PIK3IP1: variants seen among roughly 807,000 people sequenced by gnomAD.
PIK3IP1 encodes the protein phosphoinositide-3-kinase interacting protein 1.
Under a neutral mutation model 30.7 loss-of-function variants are expected in PIK3IP1, and 28 were observed. The observed-to-expected ratio is 0.91, with a 90% CI of 0.68 to 1.25. The LOEUF is 1.25. Among genes scored for constraint, PIK3IP1 ranks in the 50% most tolerant of loss-of-function variants. The pLI, the probability that PIK3IP1 is intolerant of heterozygous loss-of-function variation, is 0.00. For synonymous variants in PIK3IP1, 159 were observed against 140.8 expected (o/e 1.13, Z -0.91); for missense variants, 333 against 346.2 (o/e 0.96, Z 0.30).
chr22:31,289,829 G>A, intron 3 of PIK3IP1, 130 bp from the exon 4 acceptor site: 1 of 938,832 alleles, frequency 1.1e-6, no homozygotes, highest in Non-Finnish European at 1.6e-6. Context: ...ACAACCCAAA[G>A]TCAAATTCTG....
chr22:31,284,254 G>T (rs1034587), intron 5 of PIK3IP1, among the ~76,000 whole-genome samples: 50,141 of 152,134 alleles, frequency 0.33, 10,244 homozygotes, highest in African/African-American at 0.57. Context: ...TTTAACTTCC[G>T]CGCCTTGCTT....
rs2049175414 is a variant in PIK3IP1 at position 31,291,197 on chromosome 22, G to A, written c.170C>T (p.Ala57Val). The A allele has an allele frequency of 3.2e-6, 5 of 1,548,644 alleles. No homozygotes were observed. Among genetic ancestry groups the A allele is most frequent in the Non-Finnish European group, 4.4e-6 (5 of 1,146,182 alleles). The change falls in exon 2 of 6, where the codon GCC becomes GTC. Residue 57 changes from alanine (A) to valine (V), a missense_variant. Physicochemically the swap from Ala to Val is moderately conservative, Grantham distance 64. Coordinates refer to ENST00000215912, the MANE Select transcript of PIK3IP1 (RefSeq NM_052880.5). ...ACACTTACCCGACACGGGGGCCGAG[G>A]CCAGCCCGCTCTGCGCGTCCAGCCA... is the stretch of plus-strand genomic sequence containing the variant. ...LNWLDAQSGLASAPVSGAGNH... is the reference protein window; with the variant it reads ...LNWLDAQSGLVSAPVSGAGNH...
chr22:31,284,092 T>G (rs1046682945), intron 5 of PIK3IP1, among the ~76,000 whole-genome samples: 58 of 152,142 alleles, frequency 3.8e-4, no homozygotes, highest in African/African-American at 1.3e-3. Flanking sequence ...TTAGTAGAGA[T>G]GGGGTTTCTC....
intron 5 of PIK3IP1, among the ~76,000 whole-genome samples, chr22:31,287,312 C>CCCAGCCACACAT (rs2049139101): frequency 6.7e-6 from 1 of 149,172 alleles, no homozygotes. Context: ...AGCCACTACG[C>CCCAGCCACACAT]CTGGTCCATT....
intron 3 of PIK3IP1, chr22:31,290,008 CCCCCCACTTCTACTTCAGGAAACAA>C (rs2049161727): frequency 6.5e-6 from 2 of 307,990 alleles, no homozygotes; most frequent in Non-Finnish European, 1.2e-5. Flanking sequence ...GCAGGGGATT[CCCCCCACTTCTACTTCAGGAAACAA>C]CCCATGCTTC....
chr22:31,286,279 A>G (rs1235005286), intron 5 of PIK3IP1, among the ~76,000 whole-genome samples: 1 of 152,212 alleles, frequency 6.6e-6, no homozygotes, highest in Non-Finnish European at 1.5e-5. Flanking sequence ...TTCTGTTTAC[A>G]TTTAATACTT....
chr22:31,291,898 C>T (rs536822439), intron 1 of PIK3IP1, among the ~76,000 whole-genome samples: 3 of 152,354 alleles, frequency 2.0e-5, no homozygotes, highest in East Asian at 3.9e-4. Flanking sequence ...CCGGCCTCAT[C>T]GCTGACTGGA....
At chr22:31,287,907 G>A (rs1045122012) in intron 5 of PIK3IP1, among the ~76,000 whole-genome samples, 5 of 152,244 alleles carry the variant, frequency 3.3e-5, no homozygotes, top group African/African-American at 1.2e-4. Context: ...GTGATTATGA[G>A]TTAAAGCATG....
rs1474521164 is a variant in PIK3IP1 at position 31,291,305 on chromosome 22, A to G, written c.71-9T>C. On this transcript the variant is annotated splice_polypyrimidine_tract_variant and intron_variant, in intron 1 of 5. Transcript: ENST00000215912. ...GTTGTCCCAGAAACAGCCTGTGAGG[A>G]AAAGAAGCCCCCGGACACAGAATAG... 3.2e-6 allele frequency: 5 copies of G among 1,555,608 alleles called. No homozygotes were observed. The Admixed American group carries it at 9.7e-5, about 30-fold the overall frequency.
In PIK3IP1 at chr22:31,283,238, A is replaced by G. The variant is rs1029501973; in HGVS notation, c.638T>C (p.Met213Thr). 1 of 1,614,206 alleles carries G rather than the reference A, an allele frequency of 6.2e-7. No individual in the cohort carries two copies. Among genetic ancestry groups the G allele is most frequent in the South Asian group, 1.1e-5 (1 of 91,090 alleles). ...AGACAAGGGCAGAGTGATTCGCTGC[A>G]TCTCCCTCTCACATACTTTCTGATC... ...QHDQKVCERE[M>T]QRITLPLSAF... Residue 213 changes from methionine (M) to threonine (T), a missense_variant, in exon 6 of 6, where the codon ATG becomes ACG. By Grantham distance (81) the Met-to-Thr change is moderately conservative. Transcript: ENST00000215912.
At position 31,289,342 on chromosome 22, in the gene PIK3IP1, C is replaced by T. The variant is rs1569011856; in HGVS notation, c.560G>A (p.Gly187Asp). The T allele has an allele frequency of 1.2e-6, 2 of 1,613,774 alleles. No individual in the cohort carries two copies. Among genetic ancestry groups the T allele is most frequent in the African/African-American group, 1.3e-5 (1 of 74,892 alleles). Residue 187 changes from glycine (G) to aspartate (D), a missense_variant, in exon 5 of 6, where the codon GGC (glycine) becomes GAC (aspartate). By Grantham distance (94) the Gly-to-Asp change is moderately conservative. Around this residue, in one of 3 missense-constraint regions of PIK3IP1, gnomAD observed 217 missense variants for 227.7 expected, o/e 0.95. Transcript: ENST00000215912. ...CTTGTAGGAGTAGCCCAAGATGATGCCAGCTCCGATGGCAATGATGATCAC... is the reference window on the plus strand; with the variant it reads ...CTTGTAGGAGTAGCCCAAGATGATGTCAGCTCCGATGGCAATGATGATCAC... The part of the protein sequence containing the change: ...MMVIIIAIGA[G>D]IILGYSYKRG...
chr22:31,289,679 G>T lies in PIK3IP1; in HGVS notation c.328C>A (p.Pro110Thr). 1 of 1,552,716 alleles carries T rather than the reference G, an allele frequency of 6.4e-7. No homozygotes were observed. The highest frequency in any genetic ancestry group is 2.0e-5 in the Admixed American group (1 of 51,016). The change falls in exon 4 of 6, where the codon CCA (proline) becomes ACA (threonine). Residue 110 changes from proline (P) to threonine (T), a missense_variant. Coordinates refer to ENST00000215912, the MANE Select transcript of PIK3IP1 (RefSeq NM_052880.5). ...TCCTGGATTTCTGTCGTGAAGGCTG[G>T]CAGGGCCTGGGAGGTGGTCTCTGGA... The part of the protein sequence containing the change: ...RCPETTSQAL[P>T]AFTTEIQEAS...
At chr22:31,288,240 G>T (rs1218838720) in intron 5 of PIK3IP1, among the ~76,000 whole-genome samples, 3 of 152,100 alleles carry the variant, frequency 2.0e-5, no homozygotes, top group Non-Finnish European at 4.4e-5. Flanking sequence ...AGCCAGGCAT[G>T]GTGGGACATG....
rs921460424 is a variant in PIK3IP1, at chr22:31,281,639, C to T, written c.*1445G>A. The T allele has an allele frequency of 6.6e-6, 1 of 152,380 alleles. No homozygotes were observed. Among genetic ancestry groups the T allele is most frequent in the Admixed American group, 6.6e-5 (1 of 15,264 alleles). The allele number at this position is 152,380 out of a possible 1,614,324, so 9.4% of individuals were successfully genotyped here. ...ATTAAGTCAAATGCAGAGCAATTTC[C>T]CACACTATATGCAGGTGTCAGAATG... is the stretch of plus-strand genomic sequence containing the variant. On this transcript the variant is annotated 3_prime_UTR_variant, in exon 6 of 6. Coordinates refer to ENST00000215912, the MANE Select transcript of PIK3IP1 (RefSeq NM_052880.5).
chr22:31,288,364 G>A (rs1362647412), intron 5 of PIK3IP1, among the ~76,000 whole-genome samples: 1 of 98,322 alleles, frequency 1.0e-5, no homozygotes, highest in Non-Finnish European at 1.9e-5. Context: ...AGGCAATAGA[G>A]CGAGACCCTG....
chr22:31,290,718 C>T, intron 3 of PIK3IP1: 1 of 508,628 alleles, frequency 2.0e-6, no homozygotes, highest in East Asian at 3.7e-5. Flanking sequence ...GGCGGAGAGA[C>T]CTAGCCTCAC....
chr22:31,289,056 T>C (rs1683050968), intron 5 of PIK3IP1: 2 of 578,188 alleles, frequency 3.5e-6, no homozygotes, highest in Admixed American at 3.2e-5. Flanking sequence ...CTATGTGACT[T>C]TGAGCAAGTC....
At position 31,283,089 on chromosome 22, in the gene PIK3IP1, C is replaced by G; in HGVS notation, c.787G>C (p.Ala263Pro). ...PLMGQAGTPG[A>P] ...CTCCTGCCCACTGGGGGGGCTCAGG[C>G]CCCAGGAGTCCCGGCCTGGCCCATA... Residue 263 changes from alanine (A) to proline (P), a missense_variant, in exon 6 of 6, where the codon GCC becomes CCC. Physicochemically the swap from Ala to Pro is conservative, Grantham distance 27. Around this residue, in one of 3 missense-constraint regions of PIK3IP1, gnomAD observed 217 missense variants for 227.7 expected, o/e 0.95. Coordinates refer to ENST00000215912, the MANE Select transcript of PIK3IP1 (RefSeq NM_052880.5). 6.3e-7 allele frequency: 1 copy of G among 1,593,060 alleles called. No homozygotes were observed. The highest frequency in any genetic ancestry group is 8.5e-7 in the Non-Finnish European group (1 of 1,169,782).
At chr22:31,289,210 T>A (rs1298915981) in intron 5 of PIK3IP1, 105 bp downstream of exon 5, 1 of 1,136,986 alleles carries the variant, frequency 8.8e-7, no homozygotes, top group Non-Finnish European at 1.3e-6. Context: ...CATCTTGAGC[T>A]GATTTTCAAC....
Sources: allele counts gnomAD v4.1 joint callset (sites outside exome capture counted in the v4.1 genomes callset), GRCh38; gene constraint gnomAD v4.1.1; regional missense constraint gnomAD v4.1.1; transcripts MANE v1.5; gene names NCBI Gene and HGNC (gene_info 2026-07-23, HGNC 2026-07-21).